PTPRN2: variants seen among roughly 807,000 people sequenced by gnomAD.
The protein encoded by PTPRN2 is receptor-type tyrosine-protein phosphatase N2.
A neutral mutation model predicts 118.8 loss-of-function variants in PTPRN2; 74 were observed. That is an observed-to-expected ratio of 0.62 (90% CI 0.52 to 0.76). The LOEUF is 0.76. PTPRN2 is among the 30% of genes least tolerant of loss of function. PTPRN2 has a pLI of 0.00. For synonymous variants in PTPRN2, 641 were observed against 608.0 expected, an observed-to-expected ratio of 1.05 and a Z score of -0.80; for missense variants, 1,481 against 1,394.4, an observed-to-expected ratio of 1.06 and a Z score of -0.99.
chr7:157,774,837 G>T (rs1022040119), intron 12 of PTPRN2, among the ~76,000 whole-genome samples: 10 of 152,154 alleles, frequency 6.6e-5, no homozygotes, highest in South Asian at 6.2e-4. Context: ...GGACCAGTCC[G>T]ACGGGGGAGG....
chr7:157,755,454 G>C (rs1801725008), intron 12 of PTPRN2, among the ~76,000 whole-genome samples: 1 of 152,128 alleles, frequency 6.6e-6, no homozygotes, highest in African/African-American at 2.4e-5. Flanking sequence ...GTTTACAGCT[G>C]TGTCTTCACG....
rs530094855 is a variant in PTPRN2, at chr7:158,167,694, C to T, written c.550-403G>A. On this transcript the variant is annotated intron_variant, in intron 5 of 22. Coordinates refer to ENST00000389418, the MANE Select transcript of PTPRN2 (RefSeq NM_002847.5). Reference sequence around the variant, plus strand: ...CCCTCCCACCCTGACACTGCTCATTCGCTTTCAGTCTCTATGGAGGAGTCT... The same window carrying T: ...CCCTCCCACCCTGACACTGCTCATTTGCTTTCAGTCTCTATGGAGGAGTCT... 1.7e-4 allele frequency among the ~76,000 whole-genome samples: 26 copies of T among 152,332 alleles called. 1 individual carries two copies. The South Asian group carries it at 4.8e-3, about 28-fold the overall frequency.
rs73506269 is a variant in PTPRN2, at chr7:157,794,191, C to T, written c.1788+104482G>A. 6.9e-6 allele frequency among the ~76,000 whole-genome samples: 1 copy of T among 144,286 alleles called. No homozygotes were observed. The highest frequency in any genetic ancestry group is 1.5e-5 in the Non-Finnish European group (1 of 67,622). The allele number at this position is 144,286 out of a possible 152,430, so 94.7% of individuals were successfully genotyped here. A position where few individuals can be genotyped will look rare whatever the true frequency, so the allele number is the denominator to read the frequency against. The stretch of plus-strand genomic sequence containing the variant: ...CCTCTCCTCGTTCTCTGCCCTGACC[C>T]GGGATCACACCTCCGACCCGGGCTC... On this transcript the variant is annotated intron_variant, in intron 12 of 22. Coordinates refer to ENST00000389418, the MANE Select transcript of PTPRN2 (RefSeq NM_002847.5). The surrounding 1 kb of genome is among the most constrained non-coding windows in gnomAD (Gnocchi z 5.2).
At chr7:158,129,281 C>T (rs1279131399) in intron 9 of PTPRN2, among the ~76,000 whole-genome samples, 8 of 148,034 alleles carry the variant, frequency 5.4e-5, no homozygotes, top group African/African-American at 1.5e-4. Flanking sequence ...ACACACCACA[C>T]ACAACACATA....
intron 13 of PTPRN2, among the ~76,000 whole-genome samples, chr7:157,675,832 C>T (rs1391409130): frequency 2.6e-5 from 4 of 152,182 alleles, no homozygotes; most frequent in African/African-American, 9.7e-5. Flanking sequence ...AGGAAGGCGG[C>T]CTTCGGGAGG....
At chr7:157,789,688 G>GTTT (rs1804311058) in intron 12 of PTPRN2, among the ~76,000 whole-genome samples, 1 of 151,062 alleles carries the variant, frequency 6.6e-6, no homozygotes, top group East Asian at 2.0e-4. Context: ...GTATGTGTGT[G>GTTT]GGGGTATGTG....
At chr7:158,393,889 C>T (rs1306207081) in intron 2 of PTPRN2, among the ~76,000 whole-genome samples, 3 of 152,074 alleles carry the variant, frequency 2.0e-5, no homozygotes, top group Admixed American at 6.6e-5. Flanking sequence ...GCCAAGGCCA[C>T]GTCCCCTAAC....
At chr7:158,328,526 G>A (rs1586281123) in intron 2 of PTPRN2, among the ~76,000 whole-genome samples, 1 of 152,246 alleles carries the variant, frequency 6.6e-6, no homozygotes, top group Non-Finnish European at 1.5e-5. Flanking sequence ...AGAGCAGCGT[G>A]AGGCTCTGAC....
chr7:158,445,517 G>C (rs112070854), intron 2 of PTPRN2, among the ~76,000 whole-genome samples: 1 of 152,180 alleles, frequency 6.6e-6, no homozygotes, highest in South Asian at 2.1e-4. Context: ...GCGGCCTCTC[G>C]GGAACAGGTC....
intron 6 of PTPRN2, among the ~76,000 whole-genome samples, chr7:158,164,829 GC>G (rs1822781242): frequency 1.3e-5 from 2 of 152,200 alleles, no homozygotes. Context: ...GGCAGCCGGT[GC>G]CGGGGAGGGG....
intron 3 of PTPRN2, among the ~76,000 whole-genome samples, chr7:158,266,579 G>A (rs1225996843): frequency 5.9e-5 from 9 of 152,190 alleles, no homozygotes; most frequent in Non-Finnish European, 1.2e-4. Context: ...GTGGCTGTGA[G>A]CATCAGGCCT....
At position 158,565,603 on chromosome 7, in the gene PTPRN2, G is replaced by A. The variant is rs576888842; in HGVS notation, c.112+21955C>T. ...CAGGCTTCAACAACTGTCAAAGCACGGGAAAATCCCCAGGAAGAAAGTAAG... is the reference window on the plus strand; with the variant it reads ...CAGGCTTCAACAACTGTCAAAGCACAGGAAAATCCCCAGGAAGAAAGTAAG... On this transcript the variant is annotated intron_variant, in intron 1 of 22. Coordinates refer to ENST00000389418, the MANE Select transcript of PTPRN2 (RefSeq NM_002847.5). The surrounding 1 kb of genome is among the most constrained non-coding windows in gnomAD (Gnocchi z 4.6). Among the ~76,000 whole-genome samples, 305 of 152,296 alleles carry A rather than the reference G, an allele frequency of 2.0e-3. 2 individuals carry two copies. Among genetic ancestry groups the A allele is most frequent in the African/African-American group, 7.0e-3 (291 of 41,562 alleles).
intron 5 of PTPRN2, among the ~76,000 whole-genome samples, chr7:158,185,073 A>G (rs1389071277): frequency 2.6e-5 from 4 of 152,194 alleles, no homozygotes; most frequent in East Asian, 1.9e-4. Flanking sequence ...TATACCCTGC[A>G]TATCTGGGAT....
intron 1 of PTPRN2, among the ~76,000 whole-genome samples, chr7:158,549,060 G>A (rs1826475674): frequency 6.6e-6 from 1 of 152,206 alleles, no homozygotes; most frequent in South Asian, 2.1e-4. Flanking sequence ...GGGGGCCGAG[G>A]GAGCAGGACT....
At chr7:158,375,020 A>G (rs1810389995) in intron 2 of PTPRN2, among the ~76,000 whole-genome samples, 1 of 152,210 alleles carries the variant, frequency 6.6e-6, no homozygotes, top group Non-Finnish European at 1.5e-5. Context: ...TGGTGGCCTG[A>G]GGCGCAGAGG....
At chr7:158,474,017 C>T (rs1340962197) in intron 2 of PTPRN2, among the ~76,000 whole-genome samples, 3 of 152,132 alleles carry the variant, frequency 2.0e-5, no homozygotes, top group Non-Finnish European at 2.9e-5. Context: ...AGTGACATTT[C>T]TAGGTAGACA....
chr7:158,455,837 C>T (rs1818427270), intron 2 of PTPRN2, among the ~76,000 whole-genome samples: 1 of 149,374 alleles, frequency 6.7e-6, no homozygotes, highest in African/African-American at 2.5e-5. Flanking sequence ...CCACGGCCAC[C>T]CATTGCTCTG....
chr7:158,113,746 C>G (rs1336690795), intron 9 of PTPRN2, among the ~76,000 whole-genome samples: 1 of 151,892 alleles, frequency 6.6e-6, no homozygotes, highest in South Asian at 2.1e-4. Context: ...CTCGCACCTG[C>G]AACAAGAAAG....
intron 2 of PTPRN2, among the ~76,000 whole-genome samples, chr7:158,404,460 C>T (rs1813193732): frequency 6.6e-6 from 1 of 152,170 alleles, no homozygotes; most frequent in Non-Finnish European, 1.5e-5. Flanking sequence ...TGAGGCCAGG[C>T]TGAGCCAGTC....
Sources: allele counts gnomAD v4.1 joint callset (sites outside exome capture counted in the v4.1 genomes callset), GRCh38; gene constraint gnomAD v4.1.1; non-coding constraint Gnocchi (gnomAD v3.1); transcripts MANE v1.5; gene names NCBI Gene and HGNC (gene_info 2026-07-23, HGNC 2026-07-21).